ANTXR1: variants seen among roughly 807,000 people sequenced by gnomAD.
ANTXR1 encodes ANTXR cell adhesion molecule 1, also known as anthrax toxin receptor 1.
ANTXR1 carries 19 observed loss-of-function variants against 78.1 expected under a neutral mutation model. That is an observed-to-expected ratio of 0.24 (90% CI 0.17 to 0.36). The LOEUF is 0.36. ANTXR1 is among the 10% of genes least tolerant of loss of function. The pLI is 1.00. For synonymous variants in ANTXR1, 273 were observed against 260.5 expected (o/e 1.05, Z -0.46); for missense variants, 518 against 718.6 (o/e 0.72, Z 3.19).
chr2:69,104,325 C>T (rs1444911362), intron 10 of ANTXR1, among the ~76,000 whole-genome samples: 3 of 152,166 alleles, frequency 2.0e-5, no homozygotes, highest in African/African-American at 7.2e-5. Context: ...CATCATAAAA[C>T]CCACTTTAGT....
chr2:69,140,163 G>C (rs542493238), intron 12 of ANTXR1, among the ~76,000 whole-genome samples: 2 of 152,312 alleles, frequency 1.3e-5, no homozygotes, highest in South Asian at 4.1e-4. Context: ...TACCACAAGA[G>C]TACTTATCAC....
intron 8 of ANTXR1, among the ~76,000 whole-genome samples, chr2:69,088,581 C>T (rs1671128523): frequency 1.3e-5 from 2 of 152,138 alleles, no homozygotes; most frequent in Non-Finnish European, 2.9e-5. Context: ...ATGGCAACCA[C>T]TGGCTGAAGT....
intron 3 of ANTXR1, among the ~76,000 whole-genome samples, chr2:69,054,082 G>A (rs931580709): frequency 6.6e-6 from 1 of 152,012 alleles, no homozygotes; most frequent in African/African-American, 2.4e-5. Flanking sequence ...CTGTAGCCTA[G>A]TATACTTTCC....
intron 17 of ANTXR1, among the ~76,000 whole-genome samples, chr2:69,219,292 A>G (rs1245232210): frequency 6.6e-6 from 1 of 151,696 alleles, no homozygotes; most frequent in African/African-American, 2.4e-5. Context: ...CATCTCCTCA[A>G]CCTGCCAGAA....
chr2:69,225,547 G>A (rs1055003968), intron 17 of ANTXR1, among the ~76,000 whole-genome samples: 33 of 152,160 alleles, frequency 2.2e-4, no homozygotes, highest in African/African-American at 7.0e-4. Flanking sequence ...GGACATGTCC[G>A]GGGTGCAGAG....
At chr2:69,055,488 A>G (rs767341062) in intron 3 of ANTXR1, among the ~76,000 whole-genome samples, 4 of 152,156 alleles carry the variant, frequency 2.6e-5, no homozygotes, top group Non-Finnish European at 5.9e-5. Flanking sequence ...CAGGTCTGGG[A>G]ACAGATTGAT....
chr2:69,056,165 C>G (rs1458088586), intron 3 of ANTXR1, among the ~76,000 whole-genome samples: 1 of 152,190 alleles, frequency 6.6e-6, no homozygotes, highest in Non-Finnish European at 1.5e-5. Context: ...TAGAAGTAGT[C>G]AACAGAACCA....
intron 17 of ANTXR1, among the ~76,000 whole-genome samples, chr2:69,225,785 T>G (rs1675432140): frequency 6.6e-6 from 1 of 152,170 alleles, no homozygotes; most frequent in South Asian, 2.1e-4. Context: ...AGCTTATGGA[T>G]TGAACACTAG....
At position 69,197,612 on chromosome 2, in the gene ANTXR1, A is replaced by G. The variant is rs1033060416; in HGVS notation, c.1434+4197A>G. On this transcript the variant is annotated intron_variant, in intron 17 of 17. Transcript: ENST00000303714. ...TCATTGTTCCCACAGTTTCCTGTAA[A>G]TACAAAAAGTTGCTGGCCAGACTCA... Among the ~76,000 whole-genome samples the G allele has an allele frequency of 2.0e-5, 3 of 152,146 alleles. No individual in the cohort carries two copies. The East Asian group carries it at 5.8e-4, about 29-fold the overall frequency.
At chr2:69,230,049 C>G (rs902093686) in intron 17 of ANTXR1, among the ~76,000 whole-genome samples, 7 of 152,170 alleles carry the variant, frequency 4.6e-5, no homozygotes, top group African/African-American at 1.4e-4. Context: ...CCCAGGGTAT[C>G]TCTGCATAAT....
chr2:69,189,738 A>C (rs1674506457), intron 16 of ANTXR1, among the ~76,000 whole-genome samples: 1 of 152,180 alleles, frequency 6.6e-6, no homozygotes, highest in Admixed American at 6.5e-5. Flanking sequence ...GGCAGAGAGA[A>C]GGGAGGTTAG....
chr2:69,199,361 AC>A, intron 17 of ANTXR1, among the ~76,000 whole-genome samples: 1 of 152,262 alleles, frequency 6.6e-6, no homozygotes, highest in Non-Finnish European at 1.5e-5. Context: ...AGTACCTCTC[AC>A]CCTGAGAGTC....
At chr2:69,095,394 A>G (rs1355908552) in intron 9 of ANTXR1, among the ~76,000 whole-genome samples, 1 of 152,194 alleles carries the variant, frequency 6.6e-6, no homozygotes, top group East Asian at 1.9e-4. Flanking sequence ...CATATGTTCA[A>G]ATAAATTACA....
intron 13 of ANTXR1, among the ~76,000 whole-genome samples, chr2:69,165,709 G>A (rs1558614879): frequency 6.6e-6 from 1 of 152,264 alleles, no homozygotes; most frequent in African/African-American, 2.4e-5. Flanking sequence ...CATCTGGTAG[G>A]TGGGAAAGGT....
chr2:69,086,636 G>T (rs1006100425), intron 8 of ANTXR1, among the ~76,000 whole-genome samples: 2 of 152,254 alleles, frequency 1.3e-5, no homozygotes, highest in East Asian at 3.8e-4. Flanking sequence ...TAAGCAGAAG[G>T]CCAGGGGTGG....
chr2:69,196,843 C>T (rs907189097), intron 17 of ANTXR1, among the ~76,000 whole-genome samples: 2 of 152,216 alleles, frequency 1.3e-5, no homozygotes, highest in African/African-American at 4.8e-5. Context: ...AATTTTCCTC[C>T]TTAGTTCCTG....
chr2:69,236,260 G>A (rs1326591203), intron 17 of ANTXR1, among the ~76,000 whole-genome samples: 2 of 152,130 alleles, frequency 1.3e-5, no homozygotes, highest in African/African-American at 4.8e-5. Flanking sequence ...AAGTATATGA[G>A]CAGACAAATC....
chr2:69,188,412 T>C (rs1174955402), intron 16 of ANTXR1, among the ~76,000 whole-genome samples: 1 of 152,258 alleles, frequency 6.6e-6, no homozygotes, highest in African/African-American at 2.4e-5. Context: ...TCCAGAATGC[T>C]ATGAATGCTG....
intron 17 of ANTXR1, among the ~76,000 whole-genome samples, chr2:69,237,963 G>GTGTT (rs1675811401): frequency 6.6e-6 from 1 of 152,222 alleles, no homozygotes; most frequent in Admixed American, 6.5e-5. Flanking sequence ...TGGTGGCCAA[G>GTGTT]TGTTAGAAGA....
Sources: allele counts gnomAD v4.1 joint callset (sites outside exome capture counted in the v4.1 genomes callset), GRCh38; gene constraint gnomAD v4.1.1; transcripts MANE v1.5; gene names NCBI Gene and HGNC (gene_info 2026-07-23, HGNC 2026-07-21).